DCDC1: variants seen among roughly 807,000 people sequenced by gnomAD.
DCDC1 encodes the protein doublecortin domain containing 1, also known as doublecortin domain-containing protein 1.
In DCDC1, 200 loss-of-function variants were observed where a neutral mutation model predicts 178.3. The ratio of observed to expected loss-of-function variants is 1.12; its 90% CI spans 1.00 to 1.26. The LOEUF is 1.26. Among genes scored for constraint, DCDC1 ranks in the 50% most tolerant of loss-of-function variants. DCDC1 has a pLI of 0.00. For missense variants in DCDC1, 1,983 were observed against 1,749.2 expected (o/e 1.13, Z -2.38); for synonymous variants, 690 against 604.8 (o/e 1.14, Z -2.07).
intron 20 of DCDC1, among the ~76,000 whole-genome samples, chr11:31,019,482 G>T (rs1196338463): frequency 6.6e-6 from 1 of 152,164 alleles, no homozygotes; most frequent in African/African-American, 2.4e-5. Context: ...GGGTTAATGT[G>T]GGGGTGGGGT....
chr11:30,896,994 C>A (rs1033922024), intron 34 of DCDC1, among the ~76,000 whole-genome samples: 1 of 152,182 alleles, frequency 6.6e-6, no homozygotes, highest in Non-Finnish European at 1.5e-5. Flanking sequence ...CCTGTTTTAG[C>A]CAACCCTGAG....
intron 38 of DCDC1, among the ~76,000 whole-genome samples, chr11:30,878,021 G>T (rs1024931334): frequency 6.6e-6 from 1 of 152,036 alleles, no homozygotes; most frequent in Non-Finnish European, 1.5e-5. Flanking sequence ...ATGACTAGTA[G>T]TTTCCTTCTT....
chr11:30,888,108 A>AAGAAAGAAAG (rs1565029872), intron 36 of DCDC1, among the ~76,000 whole-genome samples: 1 of 114,062 alleles, frequency 8.8e-6, no homozygotes, highest in Non-Finnish European at 1.8e-5. Flanking sequence ...AAAAGAAAGA[A>AAGAAAGAAAG]AGAAAGAAAG....
chr11:30,983,701 C>T (rs189323701), intron 20 of DCDC1, among the ~76,000 whole-genome samples: 2 of 152,240 alleles, frequency 1.3e-5, no homozygotes, highest in Non-Finnish European at 1.5e-5. Context: ...GTTCAATTTG[C>T]TATTTTCAAG....
chr11:31,184,740 T>C (rs969689014), intron 9 of DCDC1, among the ~76,000 whole-genome samples: 6 of 152,134 alleles, frequency 3.9e-5, no homozygotes, highest in African/African-American at 1.4e-4. Flanking sequence ...CCAGTTAGAA[T>C]GGTGATCATT....
At chr11:31,139,663 C>T (rs1354182032) in intron 9 of DCDC1, among the ~76,000 whole-genome samples, 1 of 152,116 alleles carries the variant, frequency 6.6e-6, no homozygotes, top group Non-Finnish European at 1.5e-5. Context: ...GAGGCCGATG[C>T]TAACGAGTTT....
chr11:31,019,576 A>T (rs985670370), intron 20 of DCDC1, among the ~76,000 whole-genome samples: 2 of 152,188 alleles, frequency 1.3e-5, no homozygotes, highest in East Asian at 3.9e-4. Context: ...ATATTTTTTT[A>T]AAATCCTTTT....
intron 21 of DCDC1, among the ~76,000 whole-genome samples, chr11:30,942,271 C>T (rs903086539): frequency 1.3e-5 from 2 of 152,124 alleles, no homozygotes; most frequent in Admixed American, 6.6e-5. Context: ...GATGGAGTCA[C>T]ATAACTTCAA....
chr11:31,292,405 T>C (rs938414728), intron 6 of DCDC1, among the ~76,000 whole-genome samples: 15 of 152,144 alleles, frequency 9.9e-5, no homozygotes, highest in African/African-American at 3.6e-4. Context: ...TAGTACAATG[T>C]ATAACACAGA....
intron 7 of DCDC1, among the ~76,000 whole-genome samples, chr11:31,266,087 TG>T (rs1254827050): frequency 6.6e-6 from 1 of 152,066 alleles, no homozygotes; most frequent in Admixed American, 6.6e-5. Flanking sequence ...AGCTTTTAAA[TG>T]TTTTCCAAAT....
At chr11:30,936,208 G>C (rs1403086460) in intron 21 of DCDC1, among the ~76,000 whole-genome samples, 1 of 151,982 alleles carries the variant, frequency 6.6e-6, no homozygotes, top group Non-Finnish European at 1.5e-5. Flanking sequence ...TTAAAAATTG[G>C]TCCTTGGTTT....
At chr11:30,892,688 G>T in intron 36 of DCDC1, 130 bp downstream of exon 36, 1 of 1,014,530 alleles carries the variant, frequency 9.9e-7, no homozygotes, top group South Asian at 1.6e-5. Flanking sequence ...TATGAGGAAA[G>T]TACTGTTACT....
intron 8 of DCDC1, among the ~76,000 whole-genome samples, chr11:31,254,961 G>A (rs1056199951): frequency 7.3e-5 from 11 of 151,712 alleles, no homozygotes; most frequent in Admixed American, 1.3e-4. Context: ...TTTCCCTCAG[G>A]CCATGACAAA....
At chr11:31,050,985 C>T (rs1955205873) in intron 20 of DCDC1, among the ~76,000 whole-genome samples, 1 of 152,148 alleles carries the variant, frequency 6.6e-6, no homozygotes, top group South Asian at 2.1e-4. Flanking sequence ...AGGAAGAAAT[C>T]CCTGATTTAC....
chr11:30,932,192 C>T (rs1455027416), intron 21 of DCDC1, among the ~76,000 whole-genome samples: 1 of 128,458 alleles, frequency 7.8e-6, no homozygotes, highest in African/African-American at 3.0e-5. Context: ...GATTTATTCC[C>T]TCTCAGAGAA....
At chr11:31,297,355 C>A (rs1395629377) in intron 6 of DCDC1, among the ~76,000 whole-genome samples, 2 of 135,362 alleles carry the variant, frequency 1.5e-5, no homozygotes, top group African/African-American at 3.1e-5. Context: ...AACATACTAG[C>A]CATTTTTTTT....
chr11:31,114,389 C>A (rs937260535), intron 11 of DCDC1, among the ~76,000 whole-genome samples: 4 of 152,076 alleles, frequency 2.6e-5, no homozygotes, highest in African/African-American at 9.7e-5. Context: ...ATGGTAAATG[C>A]ACCCTGTGTA....
intron 20 of DCDC1, among the ~76,000 whole-genome samples, chr11:31,009,724 T>C (rs772778204): frequency 2.0e-5 from 3 of 152,128 alleles, no homozygotes; most frequent in Admixed American, 1.3e-4. Flanking sequence ...TCCATCCACA[T>C]TGGGGAGGTA....
chr11:30,970,457 G>C lies in DCDC1; in HGVS notation c.2592-17889C>G, dbSNP rs150140471. 2.3e-3 allele frequency among the ~76,000 whole-genome samples: 355 copies of C among 152,274 alleles called. 1 individual carries two copies. The highest frequency in any genetic ancestry group is 7.8e-3 in the African/African-American group (325 of 41,560). On this transcript the variant is annotated intron_variant, in intron 20 of 38. Coordinates refer to ENST00000684477, the MANE Select transcript of DCDC1 (RefSeq NM_001387274.1). ...TGCCACCAGGGCTGAAGTGCAAGCTGTAAGTTGTGACCCCACTGCTCCCAC... is the reference window on the plus strand; with the variant it reads ...TGCCACCAGGGCTGAAGTGCAAGCTCTAAGTTGTGACCCCACTGCTCCCAC...
Sources: allele counts gnomAD v4.1 joint callset (sites outside exome capture counted in the v4.1 genomes callset), GRCh38; gene constraint gnomAD v4.1.1; transcripts MANE v1.5; gene names NCBI Gene and HGNC (gene_info 2026-07-23, HGNC 2026-07-21).